The following PITPNM2 variants were observed in gnomAD, a reference collection of about 807,000 sequenced individuals.
The protein encoded by PITPNM2 is membrane-associated phosphatidylinositol transfer protein 2.
A neutral mutation model predicts 132.2 loss-of-function variants in PITPNM2; 35 were observed. The ratio of observed to expected loss-of-function variants is 0.26; its 90% CI spans 0.20 to 0.35. The LOEUF (loss-of-function observed/expected upper bound fraction) is 0.35. PITPNM2 is among the 10% of genes least tolerant of loss of function. The pLI is 1.00. For synonymous variants in PITPNM2, 738 were observed against 799.2 expected (o/e 0.92, Z 1.29); for missense variants, 1,332 against 1,912.0 (o/e 0.70, Z 5.66).
At chr12:123,144,785 G>C (rs1432183619) in intron 1 of PITPNM2, among the ~76,000 whole-genome samples, 1 of 151,988 alleles carries the variant, frequency 6.6e-6, no homozygotes, top group East Asian at 1.9e-4. Flanking sequence ...GTCTGGTCTC[G>C]AACTCCTGAC....
rs545531315 is a variant in PITPNM2, at chr12:122,992,338, C to A, written c.2404+161G>T. Among the ~76,000 whole-genome samples the A allele has an allele frequency of 1.5e-5, 2 of 136,998 alleles. No homozygotes were observed. Among genetic ancestry groups the A allele is most frequent in the East Asian group, 2.5e-4 (1 of 4,068 alleles). 89.9% of individuals were successfully genotyped at this position (136,998 alleles called of 152,430 possible). Reference sequence around the variant, plus strand: ...GATCAGTGCGGAGGGATGCACCACCCCCACCCCCCACCCCCAACAGCTGTC... The same window carrying A: ...GATCAGTGCGGAGGGATGCACCACCACCACCCCCCACCCCCAACAGCTGTC... On this transcript the variant is annotated intron_variant, in intron 16 of 25. Coordinates refer to ENST00000320201, the MANE Select transcript of PITPNM2 (RefSeq NM_020845.3). This position sits in a 1 kb window ranked among gnomAD's most constrained non-coding sequence, Gnocchi z 6.5.
intron 2 of PITPNM2, among the ~76,000 whole-genome samples, chr12:123,054,547 C>G (rs1173495518): frequency 6.6e-6 from 1 of 152,192 alleles, no homozygotes; most frequent in Non-Finnish European, 1.5e-5. Flanking sequence ...GCAGCTGTGT[C>G]CTCTTCCATG....
intron 1 of PITPNM2, among the ~76,000 whole-genome samples, chr12:123,130,560 C>A (rs2043240908): frequency 6.6e-6 from 1 of 152,152 alleles, no homozygotes; most frequent in Admixed American, 6.5e-5. Context: ...GCGGGCGGAT[C>A]ACGAGGTCAG....
chr12:123,071,758 G>A (rs1219333668), intron 2 of PITPNM2, among the ~76,000 whole-genome samples: 1 of 152,218 alleles, frequency 6.6e-6, no homozygotes, highest in Non-Finnish European at 1.5e-5. Flanking sequence ...CCCATGGGGG[G>A]ACCATCACTC....
chr12:123,112,026 G>A (rs1433756380), intron 1 of PITPNM2, among the ~76,000 whole-genome samples: 3 of 152,194 alleles, frequency 2.0e-5, no homozygotes, highest in Non-Finnish European at 2.9e-5. Context: ...GCTTCTCGGC[G>A]GGTGAGAAGG....
At chr12:123,100,231 G>A (rs1303557024) in intron 2 of PITPNM2, among the ~76,000 whole-genome samples, 1 of 152,230 alleles carries the variant, frequency 6.6e-6, no homozygotes, top group African/African-American at 2.4e-5. Flanking sequence ...CTGGAAAACA[G>A]TCTGGCAATT....
At chr12:123,065,817 C>T (rs1344143414) in intron 2 of PITPNM2, among the ~76,000 whole-genome samples, 3 of 152,166 alleles carry the variant, frequency 2.0e-5, no homozygotes, top group African/African-American at 7.2e-5. Flanking sequence ...GGATGGTGGT[C>T]AGGCAGCCAC....
intron 1 of PITPNM2, among the ~76,000 whole-genome samples, chr12:123,115,861 A>T (rs2042927657): frequency 6.6e-6 from 1 of 152,194 alleles, no homozygotes; most frequent in African/African-American, 2.4e-5. Context: ...AAAACACAGC[A>T]CAAGCGTGCA....
rs1028844758 is a variant in PITPNM2, at chr12:122,993,440, G to A, written c.2234-771C>T. The stretch of plus-strand genomic sequence containing the variant: ...CTCACTTTTAGAGGGACATAAACCA[G>A]AACATATGCTATGCCTTCTGAACTT... On this transcript the variant is annotated intron_variant, in intron 15 of 25. Coordinates refer to ENST00000320201, the MANE Select transcript of PITPNM2 (RefSeq NM_020845.3). This position sits in a 1 kb window ranked among gnomAD's most constrained non-coding sequence, Gnocchi z 5.2. Among the ~76,000 whole-genome samples the A allele has an allele frequency of 6.6e-6, 1 of 152,202 alleles. No homozygotes were observed. Among genetic ancestry groups the A allele is most frequent in the Admixed American group, 6.5e-5 (1 of 15,282 alleles).
At position 123,022,413 on chromosome 12, in the gene PITPNM2, G is replaced by A. The variant is rs977966808; in HGVS notation, c.79-8371C>T. On this transcript the variant is annotated intron_variant, in intron 3 of 25. Coordinates refer to ENST00000320201, the MANE Select transcript of PITPNM2 (RefSeq NM_020845.3). The surrounding 1 kb of genome is among the most constrained non-coding windows in gnomAD (Gnocchi z 4.9). ...ACACTAGGGCTGAGACTCAGATAGC[G>A]GCCACAACTGCTCAACTGTCATTAT... Among the ~76,000 whole-genome samples the A allele has an allele frequency of 2.0e-5, 3 of 152,076 alleles. No individual in the cohort carries two copies. Among genetic ancestry groups the A allele is most frequent in the Admixed American group, 6.6e-5 (1 of 15,258 alleles).
intron 2 of PITPNM2, among the ~76,000 whole-genome samples, chr12:123,045,397 C>A (rs1218127029): frequency 6.6e-6 from 1 of 152,208 alleles, no homozygotes; most frequent in Non-Finnish European, 1.5e-5. Flanking sequence ...GTCAAGGTCA[C>A]AAATGACCTC....
intron 2 of PITPNM2, chr12:123,087,428 A>C (rs1028693942): frequency 3.3e-5 from 5 of 151,410 alleles, no homozygotes; most frequent in African/African-American, 1.2e-4. Context: ...TAATTTTTTT[A>C]GTAGAGACGG....
At chr12:123,024,655 G>C (rs1466578312) in intron 3 of PITPNM2, among the ~76,000 whole-genome samples, 3 of 152,180 alleles carry the variant, frequency 2.0e-5, no homozygotes, top group Non-Finnish European at 4.4e-5. Context: ...TATGCTGAGT[G>C]AAAGAAGCCA....
chr12:122,998,779 G>A (rs1013015524), intron 10 of PITPNM2, among the ~76,000 whole-genome samples: 1 of 151,934 alleles, frequency 6.6e-6, no homozygotes, highest in Non-Finnish European at 1.5e-5. Context: ...CACAGAGGCT[G>A]GGTGGGTGGG....
intron 2 of PITPNM2, among the ~76,000 whole-genome samples, chr12:123,049,907 A>C (rs1286015971): frequency 6.6e-6 from 1 of 152,240 alleles, no homozygotes; most frequent in Admixed American, 6.5e-5. Flanking sequence ...AAATGTTCAC[A>C]AAAAAACCCT....
At chr12:122,987,697 G>A in intron 21 of PITPNM2, 38 bp from the exon 22 acceptor site, 1 of 1,611,272 alleles carries the variant, frequency 6.2e-7, no homozygotes, top group Non-Finnish European at 8.5e-7. Context: ...GGCTGTGTCT[G>A]GCCTCTCCAC....
chr12:123,135,174 A>C (rs571282881), intron 1 of PITPNM2, among the ~76,000 whole-genome samples: 44 of 152,294 alleles, frequency 2.9e-4, no homozygotes, highest in Non-Finnish European at 5.7e-4. Flanking sequence ...CCACAAAGGC[A>C]GAAGTCAAGC....
At chr12:123,032,807 A>C (rs1256433598) in intron 3 of PITPNM2, among the ~76,000 whole-genome samples, 1 of 152,162 alleles carries the variant, frequency 6.6e-6, no homozygotes, top group African/African-American at 2.4e-5. Flanking sequence ...ACTCTCTAGA[A>C]ATAATTATCG....
chr12:123,053,615 T>A (rs1282002201), intron 2 of PITPNM2, among the ~76,000 whole-genome samples: 2 of 148,326 alleles, frequency 1.3e-5, no homozygotes, highest in African/African-American at 5.1e-5. Context: ...TTGCCCAGCC[T>A]GGAGTGCAAT....
Sources: gnomAD v4.1 joint callset for allele counts (sites outside exome capture counted in the v4.1 genomes callset) on GRCh38, gnomAD v4.1.1 for gene constraint, Gnocchi (gnomAD v3.1) non-coding constraint, MANE v1.5 for transcripts, NCBI Gene and HGNC (gene_info 2026-07-23, HGNC 2026-07-21) for gene names.